The following RNF146 variants were observed in gnomAD, a reference collection of about 807,000 sequenced individuals.
RNF146 encodes the protein E3 ubiquitin-protein ligase RNF146.
In RNF146, 11 loss-of-function variants were observed where a neutral mutation model predicts 29.7. The ratio of observed to expected loss-of-function variants is 0.37; its 90% confidence interval spans 0.23 to 0.61. The LOEUF is 0.61. RNF146 is among the 20% of genes least tolerant of loss of function. The probability of loss-of-function intolerance (pLI) is 0.66; values close to 1 mark genes in which losing one functional copy is unlikely to be tolerated. For missense variants in RNF146, 342 were observed against 438.9 expected (o/e 0.78, Z 1.97); for synonymous variants, 150 against 159.7 (o/e 0.94, Z 0.46).
chr6:127,277,599 T>C (rs7775667), intron 1 of RNF146, among the ~76,000 whole-genome samples: 81,845 of 151,726 alleles, frequency 0.54, 24,211 homozygotes, highest in Non-Finnish European at 0.68. Context: ...ACTGAAGAAC[T>C]TGGAGTCTGA....
chr6:127,287,445 G>A lies in RNF146; in HGVS notation c.832G>A (p.Val278Ile). The A allele has an allele frequency of 6.2e-7, 1 of 1,613,466 alleles. No homozygotes were observed. The change falls in exon 3 of 3, where the codon GTA (valine) becomes ATA (isoleucine). Residue 278 changes from valine (V) to isoleucine (I), a missense_variant. Physicochemically the swap from Val to Ile is conservative, Grantham distance 29. Around this residue, in one of 6 missense-constraint regions of RNF146, gnomAD observed 196 missense variants for 208.9 expected, o/e 0.94. Transcript: ENST00000368314. ...EDHESPSSGRVPAPDTSIEET... is the reference protein window; with the variant it reads ...EDHESPSSGRIPAPDTSIEET... ...TCATGAATCACCATCTTCAGGCAGG[G>A]TACCAGCACCAGACACCTCCATTGA...
chr6:127,274,710 A>G (rs1222855939), intron 1 of RNF146, among the ~76,000 whole-genome samples: 1 of 152,174 alleles, frequency 6.6e-6, no homozygotes, highest in Non-Finnish European at 1.5e-5. Context: ...ATAGCGAAGG[A>G]TAGGCAGTGC....
intron 1 of RNF146, 33 bp from the exon 2 acceptor site, chr6:127,280,198 C>T: frequency 1.3e-6 from 1 of 779,046 alleles, no homozygotes; most frequent in Non-Finnish European, 2.1e-6. Context: ...AACTGATTCT[C>T]TTGATCTTAA....
chr6:127,286,418 G>T lies in RNF146; in HGVS notation c.3-198G>T. 1.5e-6 allele frequency: 1 copy of T among 667,894 alleles called. No homozygotes were observed. The highest frequency in any genetic ancestry group is 2.2e-5 in the South Asian group (1 of 45,816). The allele number at this position is 667,894 out of a possible 1,614,324, so 41.4% of individuals were successfully genotyped here. On this transcript the variant is annotated intron_variant, in intron 2 of 2. Transcript: ENST00000368314. This position sits in a 1 kb window ranked among gnomAD's most constrained non-coding sequence, Gnocchi z 4.6. ...GATGGAATTTTTATACATTCCCAAG[G>T]TATGTACAAGTAGATGCTTACAAAA...
At chr6:127,279,506 G>A (rs561730805) in intron 1 of RNF146, among the ~76,000 whole-genome samples, 53 of 151,836 alleles carry the variant, frequency 3.5e-4, no homozygotes, top group African/African-American at 1.2e-3. Context: ...GCACCAAACT[G>A]TCTTGTTACC....
Position 127,287,385 on chromosome 6 carries a change from G to A in RNF146, c.772G>A (p.Ala258Thr). 6.2e-7 allele frequency: 1 copy of A among 1,613,470 alleles called. No individual in the cohort carries two copies. Among genetic ancestry groups the A allele is most frequent in the Non-Finnish European group, 8.5e-7 (1 of 1,179,638 alleles). Residue 258 changes from alanine (A) to threonine (T), a missense_variant, in exon 3 of 3, where the codon GCT (alanine) becomes ACT (threonine). Transcript: ENST00000368314. ...AHLQLSGDNTAERSHRGEGEE... is the reference protein window; with the variant it reads ...AHLQLSGDNTTERSHRGEGEE... ...TTTACAACTCAGTGGAGACAACACA[G>A]CTGAAAGGAGTCATAGGGGAGAAGG...
chr6:127,276,008 G>T (rs796841729), intron 1 of RNF146, among the ~76,000 whole-genome samples: 1 of 151,984 alleles, frequency 6.6e-6, no homozygotes, highest in African/African-American at 2.4e-5. Context: ...AAGAAACCTG[G>T]TCCATTTTGC....
At chr6:127,276,413 T>C (rs1358451724) in intron 1 of RNF146, among the ~76,000 whole-genome samples, 8 of 151,870 alleles carry the variant, frequency 5.3e-5, no homozygotes, top group Admixed American at 3.9e-4. Context: ...GAAAGGACTT[T>C]CTCTTTTTCT....
At chr6:127,285,529 C>T (rs76295519) in intron 2 of RNF146, among the ~76,000 whole-genome samples, 72 of 129,968 alleles carry the variant, frequency 5.5e-4, no homozygotes, top group African/African-American at 8.2e-4. Context: ...TTTAAAATGT[C>T]TTTTTTTTTT....
At chr6:127,279,278 T>G (rs1778642785) in intron 1 of RNF146, among the ~76,000 whole-genome samples, 1 of 151,906 alleles carries the variant, frequency 6.6e-6, no homozygotes, top group South Asian at 2.1e-4. Flanking sequence ...TATTGATTCA[T>G]TCTGAGTTAA....
At chr6:127,284,535 T>G (rs1779277421) in intron 2 of RNF146, among the ~76,000 whole-genome samples, 1 of 151,862 alleles carries the variant, frequency 6.6e-6, no homozygotes, top group Admixed American at 6.6e-5. Flanking sequence ...GAAACTAACT[T>G]TTTTGACCTA....
At position 127,272,026 on chromosome 6, in the gene RNF146, C is replaced by T. The variant is rs147420691; in HGVS notation, c.-109+5101C>T. On this transcript the variant is annotated intron_variant, in intron 1 of 2. Transcript: ENST00000368314. ...TGCATCATATTTCTATTAGATAATA[C>T]GTGACCTTTTCTGTGAGAGACAATA... Among the ~76,000 whole-genome samples, 65 of 152,228 alleles carry T rather than the reference C, an allele frequency of 4.3e-4. 1 individual carries two copies. Among genetic ancestry groups the T allele is most frequent in the Non-Finnish European group, 8.2e-4 (56 of 68,010 alleles).
At chr6:127,282,454 T>C (rs746174935) in intron 2 of RNF146, 1 of 151,728 alleles carries the variant, frequency 6.6e-6, no homozygotes, top group Non-Finnish European at 1.5e-5. Flanking sequence ...ACTAGTAAAT[T>C]CAGCTGTCAT....
In RNF146 at chr6:127,288,515, CAG is replaced by C. The variant is rs764161627; in HGVS notation, c.*824_*825del. ...ATTTTTTTCTTAGAGATTATTTAAA[CAG>C]AATCTATAGGCAGTGTGTATATAAT... is the stretch of plus-strand genomic sequence containing the variant. On this transcript the variant is annotated 3_prime_UTR_variant, in exon 3 of 3. Coordinates refer to ENST00000368314, the MANE Select transcript of RNF146 (RefSeq NM_001242850.2). 7 of 166,930 alleles carry C rather than the reference CAG, an allele frequency of 4.2e-5. No individual in the cohort carries two copies. Among genetic ancestry groups the C allele is most frequent in the Middle Eastern group, 6.8e-3 (2 of 296 alleles). The allele number at this position is 166,930 out of a possible 1,614,324, so 10.3% of individuals were successfully genotyped here.
intron 1 of RNF146, among the ~76,000 whole-genome samples, chr6:127,267,317 G>A (rs1776771653): frequency 6.6e-6 from 1 of 152,202 alleles, no homozygotes; most frequent in Non-Finnish European, 1.5e-5. Flanking sequence ...GGCCATTACT[G>A]CGCAGCCTCT....
In RNF146 at chr6:127,286,458, GGA is replaced by G; in HGVS notation, c.3-154_3-153del. Reference sequence around the variant, plus strand: ...TGCTTACAAAAAATTTTCATCGGTTGGAGAGTTTTTCCTCTACTTTCATCTTC... The same window carrying G: ...TGCTTACAAAAAATTTTCATCGGTTGGAGTTTTTCCTCTACTTTCATCTTC... On this transcript the variant is annotated intron_variant, in intron 2 of 2. Coordinates refer to ENST00000368314, the MANE Select transcript of RNF146 (RefSeq NM_001242850.2). This position sits in a 1 kb window ranked among gnomAD's most constrained non-coding sequence, Gnocchi z 4.6. The G allele has an allele frequency of 1.2e-6, 1 of 809,344 alleles. No homozygotes were observed. Among genetic ancestry groups the G allele is most frequent in the South Asian group, 2.0e-5 (1 of 50,104 alleles). 50.1% of individuals were successfully genotyped at this position (809,344 alleles called of 1,614,324 possible). A position where few individuals can be genotyped will look rare whatever the true frequency, so the allele number is the denominator to read the frequency against.
At position 127,286,281 on chromosome 6, in the gene RNF146, C is replaced by A; in HGVS notation, c.3-335C>A. On this transcript the variant is annotated intron_variant, in intron 2 of 2. Transcript: ENST00000368314. The surrounding 1 kb of genome is among the most constrained non-coding windows in gnomAD (Gnocchi z 4.6). ...TAGATTTCTTGTCTAGCATTCATTTCACTGTATAATAGCTGCCATGATTCA... is the reference window on the plus strand; with the variant it reads ...TAGATTTCTTGTCTAGCATTCATTTAACTGTATAATAGCTGCCATGATTCA... The A allele has an allele frequency of 1.2e-6, 1 of 851,956 alleles. No homozygotes were observed. The highest frequency in any genetic ancestry group is 1.6e-6 in the Non-Finnish European group (1 of 639,046). 52.8% of individuals were successfully genotyped at this position (851,956 alleles called of 1,614,324 possible).
intron 2 of RNF146, among the ~76,000 whole-genome samples, chr6:127,281,890 A>G (rs1319309015): frequency 1.3e-5 from 2 of 151,636 alleles, no homozygotes; most frequent in African/African-American, 4.8e-5. Context: ...AGGAATAATG[A>G]TAAGACAGTA....
Position 127,287,664 on chromosome 6 carries a change from G to C in RNF146, c.1051G>C (p.Asp351His). 6.2e-7 allele frequency: 1 copy of C among 1,602,292 alleles called. No homozygotes were observed. Among genetic ancestry groups the C allele is most frequent in the Non-Finnish European group, 8.5e-7 (1 of 1,172,468 alleles). Residue 351 changes from aspartate to histidine, a missense_variant, in exon 3 of 3, where the codon GAT (aspartate) becomes CAT (histidine). Transcript: ENST00000368314. ...TGTCAGTGTCAGATCTAGAAGGCCT[G>C]ATGGACAGTGCACAGTAACTGAAGT... The part of the protein sequence containing the change: ...VSVSVRSRRP[D>H]GQCTVTEV
Sources: allele counts gnomAD v4.1 joint callset (sites outside exome capture counted in the v4.1 genomes callset), GRCh38; gene constraint gnomAD v4.1.1; regional missense constraint gnomAD v4.1.1; non-coding constraint Gnocchi (gnomAD v3.1); transcripts MANE v1.5; gene names NCBI Gene and HGNC (gene_info 2026-07-23, HGNC 2026-07-21).